The following RBMS1 variants were observed in gnomAD, a reference collection of about 807,000 sequenced individuals.
RBMS1 encodes the protein RNA binding motif single stranded interacting protein 1.
A neutral mutation model predicts 62.3 loss-of-function variants in RBMS1; 17 were observed. The ratio of observed to expected loss-of-function variants is 0.27; its 90% CI spans 0.19 to 0.41. The LOEUF (loss-of-function observed/expected upper bound fraction) is 0.41, where lower values mean the gene tolerates loss of function less well. Among genes scored for constraint, RBMS1 ranks in the 10% least tolerant of loss-of-function variants. The probability of loss-of-function intolerance (pLI) is 1.00; values close to 1 mark genes in which losing one functional copy is unlikely to be tolerated. For synonymous variants in RBMS1, 172 were observed against 170.0 expected (o/e 1.01, Z -0.09); for missense variants, 334 against 504.5 (o/e 0.66, Z 3.24).
intron 1 of RBMS1, among the ~76,000 whole-genome samples, chr2:160,392,473 A>C (rs900376206): frequency 4.6e-5 from 7 of 151,752 alleles, no homozygotes; most frequent in South Asian, 2.1e-4. Flanking sequence ...AAAAAAAAAA[A>C]CCCTGATCCC....
intron 1 of RBMS1, among the ~76,000 whole-genome samples, chr2:160,489,570 G>T (rs1252352247): frequency 6.6e-6 from 1 of 152,010 alleles, no homozygotes; most frequent in Non-Finnish European, 1.5e-5. Context: ...CAGAAAAACT[G>T]CTTTGTTCTA....
chr2:160,357,553 T>C (rs935197054), intron 2 of RBMS1, among the ~76,000 whole-genome samples: 4 of 152,114 alleles, frequency 2.6e-5, no homozygotes, highest in African/African-American at 9.7e-5. Context: ...TAATTAATAT[T>C]TGAGGTTTCA....
At chr2:160,309,015 G>T (rs1010304437) in intron 4 of RBMS1, among the ~76,000 whole-genome samples, 1 of 152,170 alleles carries the variant, frequency 6.6e-6, no homozygotes, top group Non-Finnish European at 1.5e-5. Flanking sequence ...TGCTAAAATA[G>T]AACTCTTTCT....
chr2:160,283,369 A>G (rs550191483), intron 9 of RBMS1: 1 of 152,342 alleles, frequency 6.6e-6, no homozygotes, highest in East Asian at 1.9e-4. Context: ...ACAGTCAAAG[A>G]AAGGATAGGA....
chr2:160,478,641 C>T (rs908150577), intron 1 of RBMS1, among the ~76,000 whole-genome samples: 12 of 152,126 alleles, frequency 7.9e-5, no homozygotes, highest in African/African-American at 2.4e-4. Flanking sequence ...AAAAATCATT[C>T]TCTCTTATTT....
At chr2:160,389,654 C>T (rs758753557) in intron 1 of RBMS1, among the ~76,000 whole-genome samples, 116 of 119,078 alleles carry the variant, frequency 9.7e-4, no homozygotes, top group Non-Finnish European at 1.5e-3. Context: ...GCCAAGTTTG[C>T]ACCACTGCAT....
At chr2:160,377,299 A>G (rs570136745) in intron 1 of RBMS1, among the ~76,000 whole-genome samples, 1 of 152,356 alleles carries the variant, frequency 6.6e-6, no homozygotes, top group African/African-American at 2.4e-5. Flanking sequence ...GTTGTAACCC[A>G]CTGAACTGAT....
At chr2:160,474,156 T>TA (rs1026444131) in intron 1 of RBMS1, among the ~76,000 whole-genome samples, 14 of 151,954 alleles carry the variant, frequency 9.2e-5, no homozygotes, top group African/African-American at 1.7e-4. Context: ...AAAAATATAT[T>TA]AAAAAAAAGG....
At chr2:160,415,867 G>A (rs1417530300) in intron 1 of RBMS1, among the ~76,000 whole-genome samples, 2 of 151,954 alleles carry the variant, frequency 1.3e-5, no homozygotes, top group Admixed American at 1.3e-4. Flanking sequence ...AATAATTAAT[G>A]ATGTCCTTTA....
At chr2:160,410,739 A>G (rs1695993030) in intron 1 of RBMS1, among the ~76,000 whole-genome samples, 1 of 152,142 alleles carries the variant, frequency 6.6e-6, no homozygotes. Flanking sequence ...CCTGTCCTAG[A>G]GATGCTCATC....
chr2:160,427,039 G>C (rs1682663397), intron 1 of RBMS1, among the ~76,000 whole-genome samples: 1 of 152,116 alleles, frequency 6.6e-6, no homozygotes, highest in Admixed American at 6.5e-5. Context: ...CTGCCTTAAC[G>C]TGTTAGACTT....
intron 2 of RBMS1, among the ~76,000 whole-genome samples, chr2:160,352,365 A>G (rs1692565305): frequency 6.6e-6 from 1 of 152,156 alleles, no homozygotes; most frequent in African/African-American, 2.4e-5. Flanking sequence ...GATAAATGGC[A>G]CATTCCTTGG....
intron 7 of RBMS1, among the ~76,000 whole-genome samples, chr2:160,285,280 G>A (rs1219163470): frequency 2.6e-5 from 4 of 151,876 alleles, no homozygotes. Context: ...AGGGGAGGGA[G>A]GGGAATTTGT....
chr2:160,343,699 CTATTT>C (rs1196356670), intron 2 of RBMS1, among the ~76,000 whole-genome samples: 1 of 152,112 alleles, frequency 6.6e-6, no homozygotes, highest in Non-Finnish European at 1.5e-5. Flanking sequence ...TTGTAAAATA[CTATTT>C]TATAGCACTT....
chr2:160,334,109 T>C (rs1337884137), intron 2 of RBMS1, among the ~76,000 whole-genome samples: 1 of 152,182 alleles, frequency 6.6e-6, no homozygotes, highest in Admixed American at 6.5e-5. Flanking sequence ...AAATCCTCCA[T>C]CAATGTTCAC....
intron 4 of RBMS1, among the ~76,000 whole-genome samples, chr2:160,311,848 C>T (rs1689942135): frequency 6.6e-6 from 1 of 152,176 alleles, no homozygotes; most frequent in African/African-American, 2.4e-5. Flanking sequence ...ACACAGATGT[C>T]TTAATAACTG....
At chr2:160,332,807 A>G (rs1392180029) in intron 2 of RBMS1, among the ~76,000 whole-genome samples, 1 of 151,784 alleles carries the variant, frequency 6.6e-6, no homozygotes, top group Non-Finnish European at 1.5e-5. Context: ...ATGGAACCAG[A>G]AAGCTTCTTT....
intron 2 of RBMS1, among the ~76,000 whole-genome samples, chr2:160,354,509 A>G (rs1396625107): frequency 6.6e-6 from 1 of 152,152 alleles, no homozygotes; most frequent in Non-Finnish European, 1.5e-5. Context: ...ACACTTTGGA[A>G]GCCCACTTGG....
At chr2:160,325,056 C>T (rs1206696748) in intron 2 of RBMS1, among the ~76,000 whole-genome samples, 1 of 151,810 alleles carries the variant, frequency 6.6e-6, no homozygotes, top group Non-Finnish European at 1.5e-5. Flanking sequence ...CAAGGTTACA[C>T]AACTAAGTAG....
Sources: gnomAD v4.1 joint callset for allele counts (sites outside exome capture counted in the v4.1 genomes callset) on GRCh38, gnomAD v4.1.1 for gene constraint, MANE v1.5 for transcripts, NCBI Gene and HGNC (gene_info 2026-07-23, HGNC 2026-07-21) for gene names.